LOC122539214: variants seen among roughly 807,000 people sequenced by gnomAD.
the LOC122539214 span, among the ~76,000 whole-genome samples, chr19:52,657,561 G>A: frequency 6.6e-6 from 1 of 151,984 alleles, no homozygotes; most frequent in Non-Finnish European, 1.5e-5. Flanking sequence ...AAAAGGCCAG[G>A]CATGGGCCAG....
the LOC122539214 span, among the ~76,000 whole-genome samples, chr19:52,671,446 C>CT: frequency 1.5e-3 from 222 of 148,318 alleles, no homozygotes; most frequent in African/African-American, 3.5e-3. Flanking sequence ...TCAAGTTGTA[C>CT]TTTTTTTTTT....
At chr19:52,686,604 C>T in the LOC122539214 span, among the ~76,000 whole-genome samples, 8 of 151,948 alleles carry the variant, frequency 5.3e-5, no homozygotes, top group South Asian at 1.2e-3. Flanking sequence ...GATGGAGACT[C>T]GCTATGCCAC....
At chr19:52,686,223 C>T in the LOC122539214 span, among the ~76,000 whole-genome samples, 2 of 151,890 alleles carry the variant, frequency 1.3e-5, no homozygotes, top group Non-Finnish European at 2.9e-5. Context: ...ATGCAGACCT[C>T]GATCTGAACT....
the LOC122539214 span, among the ~76,000 whole-genome samples, chr19:52,671,725 G>C: frequency 6.6e-6 from 1 of 152,138 alleles, no homozygotes; most frequent in Non-Finnish European, 1.5e-5. Context: ...TTACAGGCAA[G>C]CCACCACACC....
the LOC122539214 span, among the ~76,000 whole-genome samples, chr19:52,689,248 C>T: frequency 2.0e-5 from 3 of 152,172 alleles, no homozygotes; most frequent in Non-Finnish European, 4.4e-5. Flanking sequence ...TGAGCCAGTG[C>T]GTACCTAAAA....
chr19:52,660,392 G>A, the LOC122539214 span, among the ~76,000 whole-genome samples: 4 of 150,416 alleles, frequency 2.7e-5, no homozygotes, highest in Admixed American at 6.6e-5. Flanking sequence ...AAACTGTCAA[G>A]GAGATTAAGT....
the LOC122539214 span, among the ~76,000 whole-genome samples, chr19:52,678,974 A>C: frequency 2.4e-3 from 62 of 25,500 alleles, no homozygotes; most frequent in South Asian, 7.6e-3. Context: ...ACTCCATCTC[A>C]AAAAAAAAAA....
the LOC122539214 span, among the ~76,000 whole-genome samples, chr19:52,676,171 C>G: frequency 6.6e-6 from 1 of 152,174 alleles, no homozygotes; most frequent in African/African-American, 2.4e-5. Flanking sequence ...TTGGTGGAGA[C>G]GGGGTTTCGC....
At chr19:52,669,020 C>A in the LOC122539214 span, among the ~76,000 whole-genome samples, 10 of 152,166 alleles carry the variant, frequency 6.6e-5, no homozygotes, top group Admixed American at 2.0e-4. Flanking sequence ...CCTTGGAGAC[C>A]TGAAGGGATG....
the LOC122539214 span, chr19:52,650,592 C>T: frequency 6.6e-6 from 1 of 152,190 alleles, no homozygotes; most frequent in South Asian, 2.1e-4. Context: ...CAGGAGCTTC[C>T]CACTCCTCTG....
the LOC122539214 span, among the ~76,000 whole-genome samples, chr19:52,667,042 C>T: frequency 6.6e-6 from 1 of 152,048 alleles, no homozygotes; most frequent in Non-Finnish European, 1.5e-5. Context: ...ATGGACTGAA[C>T]AAGGTCTTAT....
chr19:52,688,051 C>A, the LOC122539214 span, among the ~76,000 whole-genome samples: 2 of 151,946 alleles, frequency 1.3e-5, no homozygotes, highest in Non-Finnish European at 2.9e-5. Flanking sequence ...TTAAAATTCT[C>A]AATCTCATCT....
chr19:52,687,651 A>ATG, the LOC122539214 span, among the ~76,000 whole-genome samples: 1 of 36,756 alleles, frequency 2.7e-5, no homozygotes. Flanking sequence ...ATATATATAT[A>ATG]TATATAATGT....
the LOC122539214 span, among the ~76,000 whole-genome samples, chr19:52,666,755 A>AG: frequency 6.6e-6 from 1 of 152,174 alleles, no homozygotes; most frequent in Non-Finnish European, 1.5e-5. Flanking sequence ...GTTTTCTAAC[A>AG]GGGGGTCTAA....
At chr19:52,654,362 G>A in the LOC122539214 span, 58 of 1,280,106 alleles carry the variant, frequency 4.5e-5, no homozygotes, top group African/African-American at 8.0e-4. Flanking sequence ...GTATTACCGT[G>A]CCCTGTTGAT....
the LOC122539214 span, chr19:52,653,102 G>A: frequency 1.4e-6 from 2 of 1,469,528 alleles, no homozygotes; most frequent in South Asian, 1.1e-5. Flanking sequence ...TGAATTAGAA[G>A]GGATGAATTT....
the LOC122539214 span, among the ~76,000 whole-genome samples, chr19:52,686,126 T>C: frequency 6.6e-6 from 1 of 152,154 alleles, no homozygotes; most frequent in South Asian, 2.1e-4. Flanking sequence ...AAAAGGTCAC[T>C]GACATCTTTA....
chr19:52,681,534 C>T, the LOC122539214 span, among the ~76,000 whole-genome samples: 2,779 of 152,158 alleles, frequency 0.018, 68 homozygotes, highest in African/African-American at 0.056. Flanking sequence ...TAAGTGCTTC[C>T]CATGTCTTAA....
At chr19:52,686,186 T>C in the LOC122539214 span, among the ~76,000 whole-genome samples, 1 of 152,064 alleles carries the variant, frequency 6.6e-6, no homozygotes, top group Non-Finnish European at 1.5e-5. Flanking sequence ...ACCAAAGTTT[T>C]CCAATAAATA....
Sources: gnomAD v4.1 joint callset for allele counts (sites outside exome capture counted in the v4.1 genomes callset) on GRCh38, gnomAD v4.1.1 for gene constraint, MANE v1.5 for transcripts.